DNAH3: variants seen among roughly 807,000 people sequenced by gnomAD.
The protein encoded by DNAH3 is dynein axonemal heavy chain 3, also known as axonemal beta dynein heavy chain 3.
Under a neutral mutation model 432.5 loss-of-function variants are expected in DNAH3, and 332 were observed. That is an observed-to-expected ratio of 0.77 (90% CI 0.70 to 0.84). DNAH3 has a LOEUF of 0.84. Among genes scored for constraint, DNAH3 ranks in the 40% least tolerant of loss-of-function variants. The probability of loss-of-function intolerance (pLI) is 0.00; values close to 1 mark genes in which losing one functional copy is unlikely to be tolerated. For synonymous variants in DNAH3, 1,956 were observed against 1,900.2 expected (o/e 1.03, Z -0.76); for missense variants, 4,861 against 5,114.0 (o/e 0.95, Z 1.51).
chr16:21,092,962 A>C (rs1244708451), intron 18 of DNAH3, among the ~76,000 whole-genome samples: 2 of 152,132 alleles, frequency 1.3e-5, no homozygotes, highest in Non-Finnish European at 1.5e-5. Flanking sequence ...TAATCCCAAC[A>C]CTTTGGGAGG....
At chr16:21,038,006 G>A (rs1344394749) in intron 33 of DNAH3, 26 bp from the exon 34 acceptor site, 2 of 1,601,972 alleles carry the variant, frequency 1.2e-6, no homozygotes, top group Non-Finnish European at 1.7e-6. Context: ...CATGTATGCG[G>A]ACACCCAGAG....
exon 6 of DNAH3, chr16:21,136,384 T>C: frequency 6.2e-7 from 1 of 1,614,038 alleles, no homozygotes; most frequent in Non-Finnish European, 8.5e-7. Flanking sequence ...AGGACCACCA[T>C]CAGGGGCTCC....
intron 8 of DNAH3, among the ~76,000 whole-genome samples, chr16:21,125,677 G>A (rs1294516740): frequency 2.6e-5 from 4 of 152,142 alleles, no homozygotes; most frequent in Non-Finnish European, 5.9e-5. Flanking sequence ...TGGGGTAAAG[G>A]GGCATAAGGA....
At chr16:20,973,120 G>T (rs947870159) in intron 51 of DNAH3, among the ~76,000 whole-genome samples, 4 of 152,088 alleles carry the variant, frequency 2.6e-5, no homozygotes, top group African/African-American at 7.2e-5. Context: ...TGTTAAGTGG[G>T]GGCATAGGTT....
intron 31 of DNAH3, among the ~76,000 whole-genome samples, chr16:21,046,091 C>T (rs1459198106): frequency 3.3e-4 from 49 of 148,960 alleles, no homozygotes; most frequent in African/African-American, 1.2e-3. Context: ...AGCTTTACTT[C>T]CCAGTATGTG....
chr16:21,062,582 G>A (rs1232046626), exon 25 of DNAH3: 3 of 1,614,034 alleles, frequency 1.9e-6, no homozygotes, highest in Non-Finnish European at 2.5e-6. Context: ...CTCAAGCTTG[G>A]CAATTCCTTC....
At chr16:21,032,718 T>G (rs995381993) in intron 36 of DNAH3, among the ~76,000 whole-genome samples, 1 of 151,792 alleles carries the variant, frequency 6.6e-6, no homozygotes, top group Non-Finnish European at 1.5e-5. Context: ...GAGCCTGAGA[T>G]AGGAGGATTG....
At chr16:20,942,570 A>G (rs1157265343) in intron 58 of DNAH3, among the ~76,000 whole-genome samples, 1 of 152,202 alleles carries the variant, frequency 6.6e-6, no homozygotes, top group Non-Finnish European at 1.5e-5. Context: ...AAAGCAAATT[A>G]GCAAATTCTA....
At chr16:21,051,031 A>T (rs1178912990) in intron 29 of DNAH3, among the ~76,000 whole-genome samples, 1 of 152,234 alleles carries the variant, frequency 6.6e-6, no homozygotes, top group Non-Finnish European at 1.5e-5. Context: ...TAATAAGTGG[A>T]ATAAATAAAT....
intron 41 of DNAH3, among the ~76,000 whole-genome samples, chr16:21,017,876 G>A (rs1187676491): frequency 6.6e-6 from 1 of 151,858 alleles, no homozygotes; most frequent in Admixed American, 6.6e-5. Flanking sequence ...CAAACATACA[G>A]AAACATGGAA....
At chr16:21,032,764 G>C (rs977883893) in intron 36 of DNAH3, among the ~76,000 whole-genome samples, 20 of 152,128 alleles carry the variant, frequency 1.3e-4, no homozygotes, top group African/African-American at 4.8e-4. Flanking sequence ...AGTGAGCCGA[G>C]ACTGTGCCAC....
intron 38 of DNAH3, among the ~76,000 whole-genome samples, chr16:21,025,943 T>C (rs1450876242): frequency 6.6e-6 from 1 of 152,130 alleles, no homozygotes; most frequent in Non-Finnish European, 1.5e-5. Context: ...TTCACCATGT[T>C]GGCCAGGCTG....
chr16:20,933,422 T>C (rs746346996), exon 62 of DNAH3: 8 of 1,614,114 alleles, frequency 5.0e-6, no homozygotes, highest in Non-Finnish European at 5.9e-6. Flanking sequence ...CGTTTTCCTG[T>C]CCCAACGGGC....
chr16:21,151,684 T>C (rs532022501), intron 1 of DNAH3, among the ~76,000 whole-genome samples: 8 of 152,228 alleles, frequency 5.3e-5, no homozygotes, highest in Admixed American at 1.3e-4. Context: ...CCCAACACAG[T>C]CAATGCTCTA....
At chr16:20,964,029 C>T (rs762087335) in exon 53 of DNAH3, 13 of 1,614,062 alleles carry the variant, frequency 8.1e-6, no homozygotes, top group East Asian at 4.5e-5. Context: ...CGTCAATCTG[C>T]GTTTCTGTCA....
intron 61 of DNAH3, among the ~76,000 whole-genome samples, chr16:20,934,832 C>T (rs1234582259): frequency 6.6e-6 from 1 of 152,020 alleles, no homozygotes; most frequent in Non-Finnish European, 1.5e-5. Context: ...TAAGTTCATT[C>T]ATAAACTGAT....
At chr16:21,075,914 CAAAAAAAAAA>C (rs34186982) in intron 20 of DNAH3, among the ~76,000 whole-genome samples, 1 of 52,682 alleles carries the variant, frequency 1.9e-5, no homozygotes, top group East Asian at 6.3e-4. Flanking sequence ...AACCCTGTCT[CAAAAAAAAAA>C]AAAAAAAAAA....
exon 53 of DNAH3, chr16:20,965,155 T>G (rs752427246): frequency 6.2e-7 from 1 of 1,614,058 alleles, no homozygotes; most frequent in East Asian, 2.2e-5. Flanking sequence ...CCCCTCTGCC[T>G]CCCTCAGTCG....
rs145992347 is a variant in DNAH3 at position 21,098,736 on chromosome 16, G to A, written c.2400C>T (p.Tyr800=). 2.0e-5 allele frequency: 32 copies of A among 1,613,290 alleles called. No individual in the cohort carries two copies. The African/African-American group carries it at 2.3e-4, about 11-fold the overall frequency. ...TCCTAAAACTTTCCAGTTCTCTGTG[G>A]TAGCCCTCAAGTCTCAACTCAAATT... Residue 800 remains tyrosine, a synonymous_variant, in exon 17 of 62, where the codon TAC becomes TAT. Coordinates refer to ENST00000261383, the Ensembl canonical transcript of DNAH3.
Sources: allele counts gnomAD v4.1 joint callset (sites outside exome capture counted in the v4.1 genomes callset), GRCh38; gene constraint gnomAD v4.1.1; transcripts MANE v1.5; gene names NCBI Gene and HGNC (gene_info 2026-07-23, HGNC 2026-07-21).